The following MYH11 variants were observed in gnomAD, a reference collection of about 807,000 sequenced individuals.
MYH11 encodes myosin-11.
A neutral mutation model predicts 246.6 loss-of-function variants in MYH11; 80 were observed. The observed-to-expected ratio is 0.32, with a 90% CI of 0.27 to 0.39. The LOEUF is 0.39. Among genes scored for constraint, MYH11 ranks in the 10% least tolerant of loss-of-function variants. The pLI, the probability that MYH11 is intolerant of heterozygous loss-of-function variation, is 1.00. For missense variants in MYH11, 2,158 were observed against 2,546.8 expected (o/e 0.85, Z 3.29); for synonymous variants, 1,071 against 1,015.5 (o/e 1.05, Z -1.04).
rs543760615 is a variant in MYH11, at chr16:15,783,913, C to T, written c.634-1436G>A. On this transcript the variant is annotated intron_variant, in intron 5 of 40. Transcript: ENST00000300036. The stretch of plus-strand genomic sequence containing the variant: ...TCCTTCTGATCTGCAACACAGTCAC[C>T]CAGGGTCTAACTAAGATGGATTGAA... Among the ~76,000 whole-genome samples the T allele has an allele frequency of 9.2e-5, 14 of 152,158 alleles. No homozygotes were observed. The South Asian group carries it at 2.9e-3, about 32-fold the overall frequency.
intron 4 of MYH11, among the ~76,000 whole-genome samples, chr16:15,787,418 G>T (rs1392951601): frequency 6.6e-6 from 1 of 151,092 alleles, no homozygotes; most frequent in Non-Finnish European, 1.5e-5. Flanking sequence ...TAAAAAAATA[G>T]AGTGAACAAG....
At chr16:15,813,321 C>G (rs763126909) in intron 3 of MYH11, among the ~76,000 whole-genome samples, 1 of 152,102 alleles carries the variant, frequency 6.6e-6, no homozygotes, top group Non-Finnish European at 1.5e-5. Flanking sequence ...TACACTCCAG[C>G]CTGGGCAACA....
intron 40 of MYH11, among the ~76,000 whole-genome samples, chr16:15,705,811 C>T (rs929557120): frequency 6.6e-6 from 1 of 151,792 alleles, no homozygotes; most frequent in East Asian, 1.9e-4. Flanking sequence ...GAAACCGTGT[C>T]TCTACTAAAA....
Position 15,741,612 on chromosome 16 carries a change from C to T in MYH11, c.2710G>A (p.Ala904Thr), listed in dbSNP as rs769403678. 1 of 1,613,254 alleles carries T rather than the reference C, an allele frequency of 6.2e-7. No homozygotes were observed. The highest frequency in any genetic ancestry group is 8.5e-7 in the Non-Finnish European group (1 of 1,180,030). The change falls in exon 22 of 41, where the codon GCA becomes ACA. Residue 904 changes from alanine to threonine, a missense_variant. Around this residue, in one of 11 missense-constraint regions of MYH11, gnomAD observed 284 missense variants for 315.4 expected, o/e 0.90. Transcript: ENST00000300036. The part of the protein sequence containing the change: ...EQLQAETELY[A>T]EAEEMRVRLA... ...CGCACCCGCATCTCCTCAGCCTCTG[C>T]ATACAGCTCTGTCTCTGCCTGCAGC...
intron 3 of MYH11, among the ~76,000 whole-genome samples, chr16:15,819,771 G>A (rs2043356065): frequency 6.6e-6 from 1 of 152,170 alleles, no homozygotes; most frequent in African/African-American, 2.4e-5. Flanking sequence ...GCGGTCCATG[G>A]AAAAACTGAC....
intron 3 of MYH11, among the ~76,000 whole-genome samples, chr16:15,810,264 AC>A (rs996660873): frequency 1.1e-4 from 17 of 151,820 alleles, no homozygotes; most frequent in African/African-American, 3.9e-4. Flanking sequence ...CGAACTCCTG[AC>A]CTCAGATGAT....
At chr16:15,855,231 C>T (rs1314076731) in intron 1 of MYH11, among the ~76,000 whole-genome samples, 1 of 152,242 alleles carries the variant, frequency 6.6e-6, no homozygotes, top group African/African-American at 2.4e-5. Flanking sequence ...ACGTTCTGGA[C>T]TCTCGGCATG....
chr16:15,723,608 T>C (rs896746669), intron 31 of MYH11, among the ~76,000 whole-genome samples: 5 of 152,214 alleles, frequency 3.3e-5, no homozygotes, highest in Non-Finnish European at 2.9e-5. Context: ...ATCACACCAC[T>C]GCACTCCAGC....
At chr16:15,842,577 C>T (rs898000574) in intron 1 of MYH11, among the ~76,000 whole-genome samples, 13 of 151,296 alleles carry the variant, frequency 8.6e-5, no homozygotes, top group African/African-American at 3.2e-4. Flanking sequence ...AGCTGGCCAA[C>T]GTGGCGAAAC....
intron 27 of MYH11, among the ~76,000 whole-genome samples, chr16:15,728,410 G>T (rs1322463865): frequency 1.3e-5 from 2 of 152,164 alleles, no homozygotes; most frequent in Non-Finnish European, 2.9e-5. Context: ...GGAAACAGAG[G>T]GTCTTGCTTT....
intron 27 of MYH11, among the ~76,000 whole-genome samples, chr16:15,729,714 C>G (rs900905214): frequency 1.3e-5 from 2 of 152,138 alleles, no homozygotes; most frequent in African/African-American, 2.4e-5. Flanking sequence ...CCACGTCCAG[C>G]TAATTTTTGT....
Position 15,786,631 on chromosome 16 carries a change from G to A in MYH11, c.632C>T (p.Thr211Met), listed in dbSNP as rs557865832. The change falls in exon 5 of 41, where the codon ACG (threonine) becomes ATG (methionine). Residue 211 changes from threonine to methionine, a missense_variant and splice_region_variant. This residue lies in a region of MYH11 where 123 missense variants were observed against 207.1 expected (regional missense o/e 0.59). Transcript: ENST00000300036. The stretch of plus-strand genomic sequence containing the variant: ...CTCTGATTGGGAACTGCCACTCACC[G>A]TGATACTTGTGTCTTTCTTGCCCTT... ...SHKGKKDTSI[T>M]GELEKQLLQA... 2.6e-5 allele frequency: 42 copies of A among 1,613,814 alleles called. No individual in the cohort carries two copies. Among genetic ancestry groups the A allele is most frequent in the East Asian group, 1.1e-4 (5 of 44,882 alleles).
At chr16:15,854,955 G>A (rs1014948048) in intron 1 of MYH11, among the ~76,000 whole-genome samples, 2 of 151,906 alleles carry the variant, frequency 1.3e-5, no homozygotes, top group Non-Finnish European at 2.9e-5. Flanking sequence ...GAGGGACATG[G>A]TAGACAAATC....
rs1348454737 is a variant in MYH11, at chr16:15,703,538, C to A, written c.*453G>T. ...GTGTTTCCTGTTGGGTTTTTCTCAT[C>A]TCTTACATCATACAAACTTCAATTT... On this transcript the variant is annotated 3_prime_UTR_variant, in exon 41 of 41. Transcript: ENST00000300036. 3.1e-5 allele frequency: 10 copies of A among 320,888 alleles called. No individual in the cohort carries two copies. Among genetic ancestry groups the A allele is most frequent in the Non-Finnish European group, 1.2e-5 (2 of 169,952 alleles). 19.9% of individuals were successfully genotyped at this position (320,888 alleles called of 1,614,324 possible).
At chr16:15,714,361 T>G (rs372432607) in intron 40 of MYH11, 1 of 168,414 alleles carries the variant, frequency 5.9e-6, no homozygotes, top group Admixed American at 5.6e-5. Flanking sequence ...CATTGCAGGG[T>G]GGTGGGGGAC....
chr16:15,735,549 T>C lies in MYH11; in HGVS notation c.3323A>G (p.Asn1108Ser), dbSNP rs777156978. 6.2e-7 allele frequency: 1 copy of C among 1,614,202 alleles called. No homozygotes were observed. Among genetic ancestry groups the C allele is most frequent in the Non-Finnish European group, 8.5e-7 (1 of 1,180,032 alleles). The change falls in exon 26 of 41, where the codon AAT (asparagine) becomes AGT (serine). Residue 1108 changes from asparagine to serine, a missense_variant. Asn to Ser is a conservative substitution (Grantham distance 46). Transcript: ENST00000300036. ...CAGCTCCCGGATCTTCTTCAGGGCA[T>C]TGTTCTTCTGAGCGATTTCATCGTC... ...RLDDEIAQKN[N>S]ALKKIRELEG...
chr16:15,834,563 T>C (rs1044326431), intron 2 of MYH11, among the ~76,000 whole-genome samples: 38 of 147,012 alleles, frequency 2.6e-4, no homozygotes, highest in African/African-American at 9.5e-4. Context: ...AAAAAGAAAA[T>C]GTCCACCATA....
chr16:15,718,728 G>T, intron 36 of MYH11: 1 of 521,512 alleles, frequency 1.9e-6, no homozygotes, highest in Admixed American at 3.2e-5. Context: ...GGGAATGAAT[G>T]AAAGCAGCCA....
At chr16:15,735,937 G>A (rs1056534514) in intron 25 of MYH11, among the ~76,000 whole-genome samples, 4 of 152,216 alleles carry the variant, frequency 2.6e-5, no homozygotes, top group African/African-American at 7.2e-5. Flanking sequence ...CTTCTTCCCT[G>A]GCAACTGTCT....
Sources: gnomAD v4.1 joint callset for allele counts (sites outside exome capture counted in the v4.1 genomes callset) on GRCh38, gnomAD v4.1.1 for gene constraint, gnomAD v4.1.1 regional missense constraint, MANE v1.5 for transcripts, NCBI Gene and HGNC (gene_info 2026-07-23, HGNC 2026-07-21) for gene names.